KIF2A: variants seen among roughly 807,000 people sequenced by gnomAD.
The protein encoded by KIF2A is kinesin family member 2A, also known as kinesin-like protein KIF2A.
KIF2A carries 22 observed loss-of-function variants against 100.2 expected under a neutral mutation model. The ratio of observed to expected loss-of-function variants is 0.22; its 90% CI spans 0.16 to 0.31. The LOEUF (loss-of-function observed/expected upper bound fraction) is 0.31. KIF2A is among the 10% of genes least tolerant of loss of function. The pLI is 1.00. For missense variants in KIF2A, 495 were observed against 898.7 expected, an observed-to-expected ratio of 0.55 and a Z score of 5.74; for synonymous variants, 268 against 285.9, an observed-to-expected ratio of 0.94 and a Z score of 0.63.
chr5:62,355,185 T>C lies in KIF2A; in HGVS notation c.585T>C (p.Tyr195=). The C allele has an allele frequency of 6.3e-7, 1 of 1,589,922 alleles. No individual in the cohort carries two copies. The highest frequency in any genetic ancestry group is 8.6e-7 in the Non-Finnish European group (1 of 1,160,140). Reference sequence around the variant, plus strand: ...ACGTTGATGCTACAAACCCAAATTATGAAATTATGTGTATGATCAGAGACT... The same window carrying C: ...ACGTTGATGCTACAAACCCAAATTACGAAATTATGTGTATGATCAGAGACT... ...AQDVDATNPN[Y]EIMCMIRDFR... Residue 195 remains tyrosine (Y), a synonymous_variant, in exon 7 of 21, where the codon TAT becomes TAC. Transcript: ENST00000407818.
At chr5:62,372,949 T>G (rs1223183808) in intron 17 of KIF2A, among the ~76,000 whole-genome samples, 1 of 151,974 alleles carries the variant, frequency 6.6e-6, no homozygotes, top group Admixed American at 6.6e-5. Flanking sequence ...AAGTTTACCC[T>G]CTTTTGGCCG....
intron 9 of KIF2A, among the ~76,000 whole-genome samples, chr5:62,359,494 A>G (rs1748280846): frequency 6.6e-6 from 1 of 151,974 alleles, no homozygotes. Flanking sequence ...ACATATGAAT[A>G]CTAGATAGAG....
Position 62,306,443 on chromosome 5 carries a change from C to G in KIF2A, c.-30C>G. The stretch of plus-strand genomic sequence containing the variant: ...TTTCCGCCCTCCGGTCCCCCTCCCT[C>G]GGCCCGCTGCTGCTGCTCCAGATGA... On this transcript the variant is annotated 5_prime_UTR_variant, in exon 1 of 21. Coordinates refer to ENST00000407818, the MANE Select transcript of KIF2A (RefSeq NM_001098511.3). 2 of 1,531,730 alleles carry G rather than the reference C, an allele frequency of 1.3e-6. No individual in the cohort carries two copies. The highest frequency in any genetic ancestry group is 1.8e-6 in the Non-Finnish European group (2 of 1,135,400). 94.9% of individuals were successfully genotyped at this position (1,531,730 alleles called of 1,614,324 possible). A position where few individuals can be genotyped will look rare whatever the true frequency, so the allele number is the denominator to read the frequency against.
At chr5:62,316,434 T>A (rs1745821322) in intron 1 of KIF2A, among the ~76,000 whole-genome samples, 1 of 152,230 alleles carries the variant, frequency 6.6e-6, no homozygotes. Context: ...CCTTCTCTTT[T>A]TCACCCTTAG....
In KIF2A at chr5:62,361,254, A is replaced by G; in HGVS notation, c.885A>G (p.Arg295=). ...TTTTATTTTTAAGGTTTACTGCTAG[A>G]CCACTAGTGGAAACTATATTTGAAA... The part of the protein sequence containing the change: ...PNEMVYRFTA[R]PLVETIFERG... Residue 295 remains arginine (R), a synonymous_variant, in exon 10 of 21, where the codon AGA becomes AGG. Coordinates refer to ENST00000407818, the MANE Select transcript of KIF2A (RefSeq NM_001098511.3). 6.3e-7 allele frequency: 1 copy of G among 1,598,404 alleles called. No individual in the cohort carries two copies. The highest frequency in any genetic ancestry group is 8.5e-7 in the Non-Finnish European group (1 of 1,170,036).
chr5:62,369,561 C>A lies in KIF2A; in HGVS notation c.1647-2877C>A, dbSNP rs1447129679. ...ATGAGATTTGAGTGGGGACAGAAAG[C>A]CTAACCATATCAGACACATAATTGT... On this transcript the variant is annotated intron_variant, in intron 16 of 20. Coordinates refer to ENST00000407818, the MANE Select transcript of KIF2A (RefSeq NM_001098511.3). Among the ~76,000 whole-genome samples the A allele has an allele frequency of 2.6e-5, 4 of 152,236 alleles. No individual in the cohort carries two copies. The East Asian group carries it at 7.7e-4, about 29-fold the overall frequency.
At chr5:62,368,155 G>A (rs1741164234) in intron 16 of KIF2A, among the ~76,000 whole-genome samples, 1 of 152,022 alleles carries the variant, frequency 6.6e-6, no homozygotes, top group Admixed American at 6.6e-5. Flanking sequence ...CCCCCCAAAA[G>A]GTTCCCCATG....
intron 1 of KIF2A, among the ~76,000 whole-genome samples, chr5:62,330,134 T>C (rs1746560938): frequency 6.6e-6 from 1 of 152,158 alleles, no homozygotes; most frequent in Non-Finnish European, 1.5e-5. Context: ...GCAGATCACT[T>C]GAGCCCAGGA....
chr5:62,316,365 C>G (rs530519026), intron 1 of KIF2A, among the ~76,000 whole-genome samples: 1 of 152,294 alleles, frequency 6.6e-6, no homozygotes, highest in African/African-American at 2.4e-5. Context: ...AATGCAGCTG[C>G]TCTTTTTTAC....
intron 1 of KIF2A, among the ~76,000 whole-genome samples, chr5:62,331,137 C>T (rs190913398): frequency 3.2e-3 from 487 of 152,224 alleles, no homozygotes; most frequent in Non-Finnish European, 5.5e-3. Flanking sequence ...CTAGGCTGGG[C>T]GCAGTGGCTC....
At chr5:62,372,160 T>A (rs182587565) in intron 16 of KIF2A, among the ~76,000 whole-genome samples, 5 of 152,322 alleles carry the variant, frequency 3.3e-5, no homozygotes, top group African/African-American at 1.2e-4. Context: ...ATTTCAGATT[T>A]AAGTGACTTA....
intron 20 of KIF2A, among the ~76,000 whole-genome samples, chr5:62,381,829 G>A (rs755230112): frequency 7.2e-5 from 11 of 152,188 alleles, no homozygotes; most frequent in Non-Finnish European, 1.5e-4. Context: ...TCCCAAAATG[G>A]CGGGATTACA....
chr5:62,368,427 A>G (rs1383097181), intron 16 of KIF2A, among the ~76,000 whole-genome samples: 1 of 152,126 alleles, frequency 6.6e-6, no homozygotes, highest in Non-Finnish European at 1.5e-5. Flanking sequence ...CTGTTGGACA[A>G]TATCAACCTA....
chr5:62,325,782 C>G (rs115706002), intron 1 of KIF2A, among the ~76,000 whole-genome samples: 1 of 152,150 alleles, frequency 6.6e-6, no homozygotes, highest in Non-Finnish European at 1.5e-5. Flanking sequence ...ATCCCACTAC[C>G]GGGTATGTAC....
At chr5:62,326,613 T>C (rs1240823344) in intron 1 of KIF2A, among the ~76,000 whole-genome samples, 1 of 152,058 alleles carries the variant, frequency 6.6e-6, no homozygotes, top group African/African-American at 2.4e-5. Flanking sequence ...ACTTCAGTGG[T>C]CTCTCTGTGC....
intron 20 of KIF2A, among the ~76,000 whole-genome samples, chr5:62,381,984 C>T (rs1654917662): frequency 1.3e-5 from 2 of 152,164 alleles, no homozygotes; most frequent in Non-Finnish European, 1.5e-5. Context: ...GTTAGCTTAT[C>T]TGTGTAGCTT....
At chr5:62,366,327 A>T in intron 15 of KIF2A, 87 bp from the exon 16 acceptor site, 1 of 769,862 alleles carries the variant, frequency 1.3e-6, no homozygotes, top group Middle Eastern at 3.4e-4. Context: ...CCATGGTAAG[A>T]TTAGACCTAA....
At chr5:62,342,162 A>G (rs936577543) in intron 1 of KIF2A, among the ~76,000 whole-genome samples, 3 of 152,246 alleles carry the variant, frequency 2.0e-5, no homozygotes, top group African/African-American at 4.8e-5. Context: ...GTATTAGTAT[A>G]TTGTGGGGCT....
At chr5:62,360,302 T>C (rs1202032240) in intron 9 of KIF2A, among the ~76,000 whole-genome samples, 1 of 152,028 alleles carries the variant, frequency 6.6e-6, no homozygotes, top group East Asian at 1.9e-4. Context: ...CATCATACTT[T>C]TTAGTGTACT....
Sources: allele counts gnomAD v4.1 joint callset (sites outside exome capture counted in the v4.1 genomes callset), GRCh38; gene constraint gnomAD v4.1.1; transcripts MANE v1.5; gene names NCBI Gene and HGNC (gene_info 2026-07-23, HGNC 2026-07-21).